The following TRIM5 variants were observed in gnomAD, a reference collection of about 807,000 sequenced individuals.
The protein encoded by TRIM5 is tripartite motif containing 5.
Under a neutral mutation model 35.6 loss-of-function variants are expected in TRIM5, and 31 were observed. The observed-to-expected ratio is 0.87, with a 90% confidence interval of 0.65 to 1.18. The LOEUF (loss-of-function observed/expected upper bound fraction) is 1.18. TRIM5 is among the 50% of genes most tolerant of loss of function. The pLI is 0.00. For synonymous variants in TRIM5, 243 were observed against 215.6 expected, an observed-to-expected ratio of 1.13 and a Z score of -1.11; for missense variants, 609 against 591.6, an observed-to-expected ratio of 1.03 and a Z score of -0.31.
chr11:5,611,274 ACT>A, the TRIM5 span: 5 of 1,612,948 alleles, frequency 3.1e-6, no homozygotes, highest in African/African-American at 1.3e-5. Context: ...CTTTCCCACT[ACT>A]CTTTGTCCAT....
chr11:5,642,297 G>A, the TRIM5 span: 2 of 953,908 alleles, frequency 2.1e-6, no homozygotes, highest in East Asian at 5.0e-5. Context: ...CAGGCTCAGG[G>A]AGAAGGGTTC....
chr11:5,601,487 G>A, the TRIM5 span, among the ~76,000 whole-genome samples: 22 of 152,254 alleles, frequency 1.4e-4, no homozygotes, highest in African/African-American at 4.6e-4. Context: ...GCTGGGCGCA[G>A]TGGCTCACGC....
At chr11:5,669,896 AC>A in intron 4 of TRIM5, 1 of 191,746 alleles carries the variant, frequency 5.2e-6, no homozygotes. Flanking sequence ...AATTGTTTGA[AC>A]CCAGGAGGCG....
downstream of TRIM5, among the ~76,000 whole-genome samples, chr11:5,658,643 C>T (rs1031345919): frequency 6.6e-6 from 1 of 152,202 alleles, no homozygotes; most frequent in African/African-American, 2.4e-5. Flanking sequence ...TTGATTTTCA[C>T]ATTTTGTGCA....
chr11:5,643,740 G>A, the TRIM5 span: 2 of 1,541,432 alleles, frequency 1.3e-6, no homozygotes, highest in Non-Finnish European at 1.7e-6. Flanking sequence ...ACAACCCTTT[G>A]TCTTGACTTA....
chr11:5,620,526 G>A, the TRIM5 span, among the ~76,000 whole-genome samples: 43,722 of 151,990 alleles, frequency 0.29, 6,352 homozygotes, highest in East Asian at 0.3. Context: ...TGTGAGGGTT[G>A]CAGTAATGAG....
At chr11:5,604,962 A>T in the TRIM5 span, among the ~76,000 whole-genome samples, 1 of 152,146 alleles carries the variant, frequency 6.6e-6, no homozygotes, top group Non-Finnish European at 1.5e-5. Context: ...AAATGCAGGT[A>T]AGGCTTGTGA....
chr11:5,630,158 C>T, the TRIM5 span, among the ~76,000 whole-genome samples: 1 of 152,078 alleles, frequency 6.6e-6, no homozygotes, highest in Non-Finnish European at 1.5e-5. Context: ...TATTTTGTTA[C>T]AAGAGTCTCA....
At chr11:5,627,833 A>G in the TRIM5 span, among the ~76,000 whole-genome samples, 1 of 152,198 alleles carries the variant, frequency 6.6e-6, no homozygotes, top group Non-Finnish European at 1.5e-5. Flanking sequence ...TTGTCTAGAA[A>G]CTTCAAAAGA....
At chr11:5,656,799 A>C in the TRIM5 span, among the ~76,000 whole-genome samples, 1 of 152,252 alleles carries the variant, frequency 6.6e-6, no homozygotes, top group Admixed American at 6.5e-5. Flanking sequence ...ATCATTAAAA[A>C]GTCAGGAAAC....
chr11:5,591,189 C>G, the TRIM5 span, among the ~76,000 whole-genome samples: 2 of 152,140 alleles, frequency 1.3e-5, no homozygotes, highest in African/African-American at 4.8e-5. Flanking sequence ...TACCATTCAT[C>G]AAGATAAGTA....
At chr11:5,627,476 G>A in the TRIM5 span, among the ~76,000 whole-genome samples, 1,422 of 152,274 alleles carry the variant, frequency 9.3e-3, 21 homozygotes, top group African/African-American at 0.033. Context: ...GGCAGTTGAG[G>A]TGGTTGGAAA....
chr11:5,592,805 T>TTGGG, the TRIM5 span, among the ~76,000 whole-genome samples: 1 of 150,696 alleles, frequency 6.6e-6, no homozygotes, highest in Non-Finnish European at 1.5e-5. Flanking sequence ...TAGTCTCAGC[T>TTGGG]ACTTGAGAGG....
At chr11:5,607,194 A>T in the TRIM5 span, among the ~76,000 whole-genome samples, 1 of 151,582 alleles carries the variant, frequency 6.6e-6, no homozygotes, top group African/African-American at 2.4e-5. Context: ...ACAGAGCAAG[A>T]CTCCATCTCA....
the TRIM5 span, among the ~76,000 whole-genome samples, chr11:5,614,637 A>G: frequency 6.6e-6 from 1 of 152,212 alleles, no homozygotes; most frequent in Non-Finnish European, 1.5e-5. Flanking sequence ...TCCATTCTAT[A>G]GCCTAAAGTT....
the TRIM5 span, among the ~76,000 whole-genome samples, chr11:5,652,862 T>G: frequency 6.6e-6 from 1 of 151,098 alleles, no homozygotes; most frequent in African/African-American, 2.4e-5. Context: ...CTTTTTTTTT[T>G]TTTTTTTGAG....
chr11:5,611,517 A>C, the TRIM5 span: 1 of 603,330 alleles, frequency 1.7e-6, no homozygotes, highest in East Asian at 2.9e-5. Flanking sequence ...GCACTGGCGC[A>C]ATCTCGGCTC....
chr11:5,596,741 G>C, the TRIM5 span: 3 of 1,157,974 alleles, frequency 2.6e-6, no homozygotes, highest in Admixed American at 2.2e-5. Flanking sequence ...TTCTCGGAAC[G>C]GAACGGAGCA....
chr11:5,672,439 G>A (rs560977291), intron 4 of TRIM5, among the ~76,000 whole-genome samples: 1 of 152,170 alleles, frequency 6.6e-6, no homozygotes, highest in South Asian at 2.1e-4. Context: ...TTGAACTCCT[G>A]ATCTCAGGTG....
Sources: gnomAD v4.1 joint callset for allele counts (sites outside exome capture counted in the v4.1 genomes callset) on GRCh38, gnomAD v4.1.1 for gene constraint, MANE v1.5 for transcripts, NCBI Gene and HGNC (gene_info 2026-07-23, HGNC 2026-07-21) for gene names.